PPCDC: variants seen among roughly 807,000 people sequenced by gnomAD.
The protein encoded by PPCDC is phosphopantothenoylcysteine decarboxylase.
Under a neutral mutation model 20.7 loss-of-function variants are expected in PPCDC, and 20 were observed. That is an observed-to-expected ratio of 0.97 (90% CI 0.68 to 1.41). The LOEUF (loss-of-function observed/expected upper bound fraction) is 1.41. Among genes scored for constraint, PPCDC ranks in the 40% most tolerant of loss-of-function variants. PPCDC has a pLI of 0.00. For missense variants in PPCDC, 246 were observed against 263.8 expected (o/e 0.93, Z 0.47); for synonymous variants, 88 against 100.3 (o/e 0.88, Z 0.73).
At chr15:75,035,603 T>C (rs1271051587) in intron 2 of PPCDC, among the ~76,000 whole-genome samples, 1 of 152,176 alleles carries the variant, frequency 6.6e-6, no homozygotes, top group Non-Finnish European at 1.5e-5. Context: ...GCAGCTTATG[T>C]AATAGGGTCT....
At position 75,032,732 on chromosome 15, in the gene PPCDC, C is replaced by CCG. The variant is rs1555413322; in HGVS notation, c.135+4280_135+4281insGC. On this transcript the variant is annotated intron_variant, in intron 2 of 5. Transcript: ENST00000342932. Reference sequence around the variant, plus strand: ...AGGAGCTAGCAAACTGGACCCCCCCCCCCAAGGCCAAATTCGGCTCTGCCT... The same window carrying CCG: ...AGGAGCTAGCAAACTGGACCCCCCCCCGCCCAAGGCCAAATTCGGCTCTGCCT... Among the ~76,000 whole-genome samples, 7 of 132,182 alleles carry CCG rather than the reference C, an allele frequency of 5.3e-5. 1 individual carries two copies. Among genetic ancestry groups the CCG allele is most frequent in the Non-Finnish European group, 7.9e-5 (5 of 63,158 alleles). The allele number at this position is 132,182 out of a possible 152,430, so 86.7% of individuals were successfully genotyped here.
At chr15:75,036,211 G>A (rs1182544106) in intron 2 of PPCDC, among the ~76,000 whole-genome samples, 1 of 152,076 alleles carries the variant, frequency 6.6e-6, no homozygotes, top group African/African-American at 2.4e-5. Context: ...ATGAGTAAAC[G>A]GTCAGAATTA....
At chr15:75,033,681 A>G (rs1361688446) in intron 2 of PPCDC, among the ~76,000 whole-genome samples, 1 of 151,242 alleles carries the variant, frequency 6.6e-6, no homozygotes, top group Non-Finnish European at 1.5e-5. Flanking sequence ...GGTGGGGGCC[A>G]CCTGCCCGCT....
chr15:75,044,263 C>T (rs370576761), intron 3 of PPCDC, 123 bp from the exon 4 acceptor site: 291 of 1,388,220 alleles, frequency 2.1e-4, no homozygotes, highest in East Asian at 1.5e-3. Flanking sequence ...CAGGAGGGAA[C>T]GGAGGTTGGC....
In PPCDC at chr15:75,050,479, G is replaced by A. The variant is rs142125047; in HGVS notation, c.*1244G>A. 415 of 152,576 alleles carry A rather than the reference G, an allele frequency of 2.7e-3. 1 individual carries two copies. Among genetic ancestry groups the A allele is most frequent in the African/African-American group, 8.6e-3 (359 of 41,582 alleles). 9.5% of individuals were successfully genotyped at this position (152,576 alleles called of 1,614,324 possible). ...GCTGCAGCGGGGAGGGCTTGTCTGC[G>A]TATTTGGAGCTGAGGCTGAGGCTGG... On this transcript the variant is annotated 3_prime_UTR_variant, in exon 6 of 6. Transcript: ENST00000342932.
At chr15:75,049,070 GCACTTGGA>G in intron 5 of PPCDC, 72 bp from the exon 6 acceptor site, 1 of 1,328,258 alleles carries the variant, frequency 7.5e-7, no homozygotes, top group Non-Finnish European at 1.1e-6. Flanking sequence ...TCTGGGTGGA[GCACTTGGA>G]GCAATGGGCA....
At chr15:75,028,770 G>A (rs1223516384) in intron 2 of PPCDC, among the ~76,000 whole-genome samples, 1 of 152,164 alleles carries the variant, frequency 6.6e-6, no homozygotes, top group African/African-American at 2.4e-5. Flanking sequence ...AGGAGGGCTG[G>A]CTGGAGAAGT....
At chr15:75,032,690 C>T (rs930977102) in intron 2 of PPCDC, among the ~76,000 whole-genome samples, 8 of 141,316 alleles carry the variant, frequency 5.7e-5, no homozygotes, top group Admixed American at 3.9e-4. Context: ...AAGATGGAAG[C>T]GGAATAAGCA....
intron 2 of PPCDC, among the ~76,000 whole-genome samples, chr15:75,029,240 C>G: frequency 6.6e-6 from 1 of 152,210 alleles, no homozygotes; most frequent in East Asian, 1.9e-4. Flanking sequence ...ACATTCTGTG[C>G]AAAGCCTTCC....
chr15:75,028,407 C>G lies in PPCDC; in HGVS notation c.89C>G (p.Ala30Gly). 1 of 1,614,238 alleles carries G rather than the reference C, an allele frequency of 6.2e-7. No individual in the cohort carries two copies. Among genetic ancestry groups the G allele is most frequent in the Non-Finnish European group, 8.5e-7 (1 of 1,180,042 alleles). Residue 30 changes from alanine (A) to glycine (G), a missense_variant, in exon 2 of 6, where the codon GCC (alanine) becomes GGC (glycine). By Grantham distance (60) the Ala-to-Gly change is moderately conservative. This residue lies in a region of PPCDC where 225 missense variants were observed against 222.6 expected (regional missense o/e 1.01). Coordinates refer to ENST00000342932, the MANE Select transcript of PPCDC (RefSeq NM_021823.5). ...GTGGGTGTCACGGGGAGTGTCGCAG[C>G]CCTGAAGTTGCCTCTTCTGGTGTCA... is the stretch of plus-strand genomic sequence containing the variant. ...VLVGVTGSVA[A>G]LKLPLLVSKL...
intron 1 of PPCDC, among the ~76,000 whole-genome samples, chr15:75,027,790 C>T (rs757271906): frequency 3.3e-5 from 5 of 152,178 alleles, no homozygotes; most frequent in African/African-American, 7.2e-5. Flanking sequence ...CTTTCAGTCT[C>T]ACTTTCTGCC....
rs758752940 is a variant in PPCDC at position 75,043,423 on chromosome 15, CCTT to C, written c.136-11_136-9del. ...GTTTCTTCCTCCCTCCCCGCCACCC[CCTT>C]CTTCTTGGTGACAGCTGGAAGTAGC... On this transcript the variant is annotated splice_polypyrimidine_tract_variant and intron_variant, in intron 2 of 5. Coordinates refer to ENST00000342932, the MANE Select transcript of PPCDC (RefSeq NM_021823.5). 4.4e-6 allele frequency: 7 copies of C among 1,601,324 alleles called. No homozygotes were observed. The highest frequency in any genetic ancestry group is 1.7e-5 in the Admixed American group (1 of 58,850).
At chr15:75,034,420 T>C (rs1247474558) in intron 2 of PPCDC, among the ~76,000 whole-genome samples, 5 of 152,118 alleles carry the variant, frequency 3.3e-5, no homozygotes, top group African/African-American at 1.2e-4. Context: ...CCCCACCATA[T>C]AAGAGGCTTA....
Position 75,048,550 on chromosome 15 carries a change from C to T in PPCDC, c.361-3C>T. ...ACCCCCACTTCCCTGGCCTTCTTCA[C>T]AGACCTGCGTCATGCGGGCCTGGGA... On this transcript the variant is annotated splice_region_variant and splice_polypyrimidine_tract_variant and intron_variant, in intron 4 of 5. Coordinates refer to ENST00000342932, the MANE Select transcript of PPCDC (RefSeq NM_021823.5). 6.2e-7 allele frequency: 1 copy of T among 1,613,174 alleles called. No homozygotes were observed. Among genetic ancestry groups the T allele is most frequent in the Non-Finnish European group, 8.5e-7 (1 of 1,179,488 alleles).
chr15:75,036,056 A>G (rs2066081427), intron 2 of PPCDC, among the ~76,000 whole-genome samples: 1 of 152,084 alleles, frequency 6.6e-6, no homozygotes, highest in African/African-American at 2.4e-5. Context: ...ATTCTGTAGC[A>G]TATGGGGGAT....
intron 4 of PPCDC, among the ~76,000 whole-genome samples, chr15:75,048,183 C>A (rs1002795004): frequency 6.6e-6 from 1 of 152,200 alleles, no homozygotes; most frequent in South Asian, 2.1e-4. Flanking sequence ...ATGAGCCCCA[C>A]CTGAGGAGCA....
chr15:75,030,243 C>T (rs780536826), intron 2 of PPCDC, among the ~76,000 whole-genome samples: 3 of 152,230 alleles, frequency 2.0e-5, no homozygotes, highest in Non-Finnish European at 4.4e-5. Context: ...TGTCAGGCTC[C>T]CTGAGATGTT....
chr15:75,033,291 A>G (rs2066045673), intron 2 of PPCDC, among the ~76,000 whole-genome samples: 1 of 152,198 alleles, frequency 6.6e-6, no homozygotes, highest in Admixed American at 6.5e-5. Flanking sequence ...GACAAAGCCT[A>G]AAATATCATC....
rs765737801 is a variant in PPCDC, at chr15:75,044,439, A to G, written c.285A>G (p.Ala95=). ...TGCACATTGACCTGCGGAGGTGGGC[A>G]GACCTCCTGCTGGTGGCTCCTCTTG... The part of the protein sequence containing the change: ...PVLHIDLRRW[A]DLLLVAPLDA... The change falls in exon 4 of 6, where the codon GCA becomes GCG. Residue 95 remains alanine, a synonymous_variant. Coordinates refer to ENST00000342932, the MANE Select transcript of PPCDC (RefSeq NM_021823.5). 4 of 1,614,016 alleles carry G rather than the reference A, an allele frequency of 2.5e-6. No individual in the cohort carries two copies. In the African/African-American group the frequency reaches 5.3e-5, roughly 22 times the overall value.
Sources: gnomAD v4.1 joint callset for allele counts (sites outside exome capture counted in the v4.1 genomes callset) on GRCh38, gnomAD v4.1.1 for gene constraint, gnomAD v4.1.1 regional missense constraint, MANE v1.5 for transcripts, NCBI Gene and HGNC (gene_info 2026-07-23, HGNC 2026-07-21) for gene names.